TTI1: variants seen among roughly 807,000 people sequenced by gnomAD.
TTI1 encodes TELO2 interacting protein 1, also known as TELO2-interacting protein 1 homolog.
Under a neutral mutation model 85.4 loss-of-function variants are expected in TTI1, and 52 were observed. That is an observed-to-expected ratio of 0.61 (90% CI 0.49 to 0.77). TTI1 has a LOEUF of 0.77. Ranked by LOEUF, TTI1 falls within the 30% of genes least tolerant of loss-of-function variation. TTI1 has a pLI of 0.00. For synonymous variants in TTI1, 512 were observed against 503.9 expected, an observed-to-expected ratio of 1.02 and a Z score of -0.22; for missense variants, 1,173 against 1,296.0, an observed-to-expected ratio of 0.91 and a Z score of 1.46.
At chr20:37,986,021 T>C (rs1025469407) in intron 7 of TTI1, among the ~76,000 whole-genome samples, 1 of 152,188 alleles carries the variant, frequency 6.6e-6, no homozygotes, top group African/African-American at 2.4e-5. Flanking sequence ...ATATCTTTGA[T>C]AATTAGAGTG....
chr20:38,014,808 A>G (rs2073657652), intron 1 of TTI1, among the ~76,000 whole-genome samples: 1 of 152,236 alleles, frequency 6.6e-6, no homozygotes, highest in South Asian at 2.1e-4. Context: ...ATGGGCTGAC[A>G]GTGAACAAGG....
chr20:38,009,796 C>A (rs753859168), intron 2 of TTI1, among the ~76,000 whole-genome samples: 28 of 152,184 alleles, frequency 1.8e-4, no homozygotes, highest in Non-Finnish European at 3.4e-4. Flanking sequence ...AGCCACGGCA[C>A]CCGGCCTGAA....
At chr20:37,983,745 G>A (rs1285536941) in intron 7 of TTI1, 106 bp from the exon 8 acceptor site, 1 of 1,059,924 alleles carries the variant, frequency 9.4e-7, no homozygotes, top group African/African-American at 1.7e-5. Flanking sequence ...AGAAGAAACT[G>A]ATAACAATAT....
At chr20:37,990,766 G>A (rs986161527) in intron 7 of TTI1, among the ~76,000 whole-genome samples, 4 of 152,058 alleles carry the variant, frequency 2.6e-5, no homozygotes, top group East Asian at 1.9e-4. Context: ...GCGGTGCTGC[G>A]ACCAGGCTCG....
intron 7 of TTI1, among the ~76,000 whole-genome samples, chr20:37,995,954 T>C (rs940297091): frequency 3.3e-5 from 5 of 152,196 alleles, no homozygotes; most frequent in Non-Finnish European, 2.9e-5. Context: ...TGAGGGTTCA[T>C]GGCACCGATG....
At chr20:38,019,005 C>G (rs1172815949) in intron 1 of TTI1, 1 of 151,848 alleles carries the variant, frequency 6.6e-6, no homozygotes, top group East Asian at 1.9e-4. Context: ...CAAAAATTAC[C>G]TAGGTGTGGT....
At position 38,006,349 on chromosome 20, in the gene TTI1, C is replaced by T; in HGVS notation, c.2351G>A (p.Ser784Asn). Residue 784 changes from serine to asparagine, a missense_variant, in exon 3 of 8, where the codon AGT becomes AAT. Ser to Asn is a conservative substitution (Grantham distance 46). Coordinates refer to ENST00000373447, the MANE Select transcript of TTI1 (RefSeq NM_001303457.2). ...CAAATGACTTCCCTCTTCTCCTAAACTTTGCTCTTGGAGGTGCCCAAGATT... is the reference window on the plus strand; with the variant it reads ...CAAATGACTTCCCTCTTCTCCTAAATTTTGCTCTTGGAGGTGCCCAAGATT... ...TGNLGHLQEQ[S>N]LGEEGSHLNQ... 1.9e-6 allele frequency: 3 copies of T among 1,614,236 alleles called. No homozygotes were observed. Among genetic ancestry groups the T allele is most frequent in the Non-Finnish European group, 2.5e-6 (3 of 1,180,042 alleles).
intron 7 of TTI1, among the ~76,000 whole-genome samples, chr20:37,984,005 G>A (rs1371270618): frequency 6.6e-6 from 1 of 152,188 alleles, no homozygotes; most frequent in Non-Finnish European, 1.5e-5. Flanking sequence ...TTTCTTAAAG[G>A]CTTTGCTCAG....
intron 2 of TTI1, among the ~76,000 whole-genome samples, chr20:38,009,041 T>C (rs112961791): frequency 5.1e-4 from 77 of 152,234 alleles, no homozygotes; most frequent in Non-Finnish European, 9.3e-4. Flanking sequence ...CCTTCAGAGA[T>C]GACCGAAGAC....
intron 7 of TTI1, among the ~76,000 whole-genome samples, chr20:37,991,296 C>T (rs906874911): frequency 2.0e-5 from 3 of 152,226 alleles, no homozygotes; most frequent in African/African-American, 7.2e-5. Flanking sequence ...AAACTGCCCA[C>T]ACCATTTAAG....
In TTI1 at chr20:37,983,566, G is replaced by A; in HGVS notation, c.3160C>T (p.Gln1054Ter). ...AGGCTGGGGTGGGGAGGTGTGAACT[G>A]CACGGGGCAGTAAAGCTCGTTCAGG... ...FLLNELYCPV[Q>*]FTPPHPSLHP... Residue 1054 changes from glutamine (Q) to a stop codon, truncating the protein, a stop_gained, in exon 8 of 8, where the codon CAG (glutamine) becomes TAG (stop). Coordinates refer to ENST00000373447, the MANE Select transcript of TTI1 (RefSeq NM_001303457.2). LOFTEE classifies it low-confidence loss of function (END_TRUNC). The A allele has an allele frequency of 1.9e-6, 3 of 1,603,198 alleles. No homozygotes were observed. Among genetic ancestry groups the A allele is most frequent in the African/African-American group, 1.3e-5 (1 of 74,702 alleles).
At chr20:37,998,183 C>T (rs1258919097) in intron 5 of TTI1, among the ~76,000 whole-genome samples, 1 of 152,190 alleles carries the variant, frequency 6.6e-6, no homozygotes. Context: ...CTGCCTCCGC[C>T]TCCCAAAGTG....
rs549070756 is a variant in TTI1 at position 38,013,532 on chromosome 20, T to C, written c.285A>G (p.Glu95=). ...GACAAGCAGAGAGTTCTGAAAAGAG[T>C]TCCTGGAGAAGCTCCTGTTCTTTCA... ...TCVKEQELLQ[E]LFSELSACLY... is the part of the protein sequence containing the mutation. The change falls in exon 2 of 8, where the codon GAA becomes GAG. Residue 95 remains glutamate (E), a synonymous_variant. Transcript: ENST00000373447. The C allele has an allele frequency of 4.3e-6, 7 of 1,613,844 alleles. No homozygotes were observed. The highest frequency in any genetic ancestry group is 1.3e-5 in the African/African-American group (1 of 74,894).
At chr20:38,004,383 C>G (rs2073468950) in intron 3 of TTI1, among the ~76,000 whole-genome samples, 1 of 152,206 alleles carries the variant, frequency 6.6e-6, no homozygotes, top group South Asian at 2.1e-4. Flanking sequence ...ATTTCAGTTC[C>G]CTCTGCTGGA....
At chr20:38,020,323 A>AAAAAAAAAAAATATATATAT in intron 1 of TTI1, among the ~76,000 whole-genome samples, 1 of 50,382 alleles carries the variant, frequency 2.0e-5, no homozygotes, top group African/African-American at 8.9e-5. Flanking sequence ...AAAAAAAAAA[A>AAAAAAAAAAAATATATATAT]ATATATATAT....
intron 7 of TTI1, among the ~76,000 whole-genome samples, chr20:37,988,619 A>T (rs539176104): frequency 1.3e-5 from 2 of 152,334 alleles, no homozygotes; most frequent in Non-Finnish European, 2.9e-5. Context: ...AAATGCTCTC[A>T]TGAGCCATCA....
chr20:38,031,223 G>T (rs2073901879), intron 1 of TTI1, among the ~76,000 whole-genome samples: 1 of 152,140 alleles, frequency 6.6e-6, no homozygotes, highest in Admixed American at 6.5e-5. Flanking sequence ...GTGCAAAACT[G>T]CCCAGTGGAC....
Position 38,013,179 on chromosome 20 carries a change from A to C in TTI1, c.638T>G (p.Ile213Ser). The C allele has an allele frequency of 6.2e-7, 1 of 1,614,156 alleles. No individual in the cohort carries two copies. Among genetic ancestry groups the C allele is most frequent in the Non-Finnish European group, 8.5e-7 (1 of 1,180,044 alleles). Reference protein sequence around the residue: ...GDLFASFLPGISTALTRLITG... With the variant: ...GDLFASFLPGSSTALTRLITG... ...GATAAGCCTGGTCAGTGCAGTTGAG[A>C]TTCCAGGTAAAAAAGAGGCAAACAA... The change falls in exon 2 of 8, where the codon ATC (isoleucine) becomes AGC (serine). Residue 213 changes from isoleucine (I) to serine (S), a missense_variant. Transcript: ENST00000373447.
intron 7 of TTI1, among the ~76,000 whole-genome samples, chr20:37,985,669 AG>A (rs2073181217): frequency 6.6e-6 from 1 of 152,078 alleles, no homozygotes; most frequent in South Asian, 2.1e-4. Flanking sequence ...CTGGGATTAC[AG>A]GCATCCATCA....
Sources: gnomAD v4.1 joint callset for allele counts (sites outside exome capture counted in the v4.1 genomes callset) on GRCh38, gnomAD v4.1.1 for gene constraint, MANE v1.5 for transcripts, NCBI Gene and HGNC (gene_info 2026-07-23, HGNC 2026-07-21) for gene names.